IL1RAPL2: variants seen among roughly 807,000 people sequenced by gnomAD.
IL1RAPL2 encodes the protein X-linked interleukin-1 receptor accessory protein-like 2.
Under a neutral mutation model 44.1 loss-of-function variants are expected in IL1RAPL2, and 3 were observed. The observed-to-expected ratio is 0.07, with a 90% CI of 0.03 to 0.18. The LOEUF (loss-of-function observed/expected upper bound fraction) is 0.18, where lower values mean the gene tolerates loss of function less well. IL1RAPL2 is among the 10% of genes least tolerant of loss of function. The pLI, the probability that IL1RAPL2 is intolerant of heterozygous loss-of-function variation, is 1.00. For synonymous variants in IL1RAPL2, 181 were observed against 178.8 expected, an observed-to-expected ratio of 1.01 and a Z score of -0.10; for missense variants, 391 against 496.4, an observed-to-expected ratio of 0.79 and a Z score of 2.02.
chrX:105,219,521 A>G (rs1376535407), intron 3 of IL1RAPL2: 2 of 1,205,884 alleles, frequency 1.7e-6, no homozygotes, highest in Admixed American at 4.4e-5. Flanking sequence ...ACGTGGGGGA[A>G]CTGGGTCTCC....
chrX:105,659,424 G>A (rs1416421886), intron 6 of IL1RAPL2, among the ~76,000 whole-genome samples: 2 of 110,708 alleles, frequency 1.8e-5, no homozygotes, highest in African/African-American at 6.6e-5. Flanking sequence ...TTGGGAGGCC[G>A]AGGCGGGCGG....
At chrX:105,576,811 T>C (rs1399022893) in intron 6 of IL1RAPL2, among the ~76,000 whole-genome samples, 1 of 111,543 alleles carries the variant, frequency 9.0e-6, no homozygotes, top group South Asian at 3.7e-4. Context: ...CATTTATTCA[T>C]CAAAATTCTA....
intron 5 of IL1RAPL2, among the ~76,000 whole-genome samples, chrX:105,483,116 C>T (rs1194194534): frequency 9.2e-6 from 1 of 108,632 alleles, no homozygotes; most frequent in African/African-American, 3.4e-5. Context: ...CCACACACTG[C>T]AGCATTGTTT....
At chrX:104,893,546 C>T (rs914349034) in intron 2 of IL1RAPL2, among the ~76,000 whole-genome samples, 30 of 111,506 alleles carry the variant, frequency 2.7e-4, no homozygotes, top group Non-Finnish European at 4.9e-4. Flanking sequence ...ATGTAATGGT[C>T]TTCTTTGTCT....
intron 2 of IL1RAPL2, among the ~76,000 whole-genome samples, chrX:104,715,236 C>A (rs191262069): frequency 9.2e-6 from 1 of 108,857 alleles, no homozygotes. Context: ...GGAATTTATC[C>A]ATTTATACCC....
intron 2 of IL1RAPL2, among the ~76,000 whole-genome samples, chrX:104,789,666 A>C (rs1247705174): frequency 8.9e-6 from 1 of 112,286 alleles, no homozygotes; most frequent in Admixed American, 9.5e-5. Context: ...ATGCCTCATG[A>C]ATTGCCATGT....
chrX:105,549,405 CAG>C (rs1354155596), intron 6 of IL1RAPL2, among the ~76,000 whole-genome samples: 1 of 111,622 alleles, frequency 9.0e-6, no homozygotes, highest in African/African-American at 3.3e-5. Flanking sequence ...TTGCTGTGGG[CAG>C]AGAGATGTGC....
At chrX:104,716,232 A>T (rs1418981552) in intron 2 of IL1RAPL2, among the ~76,000 whole-genome samples, 1 of 111,947 alleles carries the variant, frequency 8.9e-6, no homozygotes. Flanking sequence ...AACGATATGC[A>T]GAAGATTAAA....
At chrX:104,861,119 A>G (rs975165288) in intron 2 of IL1RAPL2, among the ~76,000 whole-genome samples, 30 of 112,049 alleles carry the variant, frequency 2.7e-4, no homozygotes, top group Non-Finnish European at 5.3e-4. Flanking sequence ...TAGAATGCCA[A>G]TGCAGATCAG....
intron 2 of IL1RAPL2, among the ~76,000 whole-genome samples, chrX:104,835,230 C>T (rs773642116): frequency 1.6e-4 from 18 of 111,465 alleles, no homozygotes; most frequent in South Asian, 7.6e-4. Context: ...CTCTCAAAAA[C>T]CTGTGTAATA....
intron 5 of IL1RAPL2, among the ~76,000 whole-genome samples, chrX:105,305,692 C>G (rs749234867): frequency 8.9e-6 from 1 of 112,066 alleles, no homozygotes; most frequent in Non-Finnish European, 1.9e-5. Flanking sequence ...CTGTAAACTA[C>G]TCTTGCTGGA....
chrX:104,969,010 T>A (rs2030182414), intron 2 of IL1RAPL2, among the ~76,000 whole-genome samples: 1 of 108,153 alleles, frequency 9.2e-6, no homozygotes. Flanking sequence ...TGTGTGTGTG[T>A]GTGTGTGTGT....
intron 2 of IL1RAPL2, among the ~76,000 whole-genome samples, chrX:104,891,925 G>T (rs762292232): frequency 1.8e-5 from 2 of 111,643 alleles, no homozygotes; most frequent in Admixed American, 1.9e-4. Flanking sequence ...GATATTGGCT[G>T]TGGGTTTGTC....
At chrX:104,816,779 C>T (rs144961385) in intron 2 of IL1RAPL2, among the ~76,000 whole-genome samples, 4,042 of 111,344 alleles carry the variant, frequency 0.036, 72 homozygotes, top group Non-Finnish European at 0.058. Flanking sequence ...GCTTTATGAC[C>T]CTAAACAGTT....
At chrX:105,251,575 G>A (rs2034268866) in intron 4 of IL1RAPL2, among the ~76,000 whole-genome samples, 2 of 96,961 alleles carry the variant, frequency 2.1e-5, no homozygotes, top group Non-Finnish European at 3.9e-5. Flanking sequence ...ATTAGAAGTG[G>A]GGAGGTTTTT....
intron 2 of IL1RAPL2, among the ~76,000 whole-genome samples, chrX:104,904,901 T>G (rs1273110401): frequency 1.8e-5 from 2 of 111,231 alleles, no homozygotes; most frequent in Non-Finnish European, 3.8e-5. Context: ...ATGGTTGAAC[T>G]AGTTTACACT....
At chrX:105,666,386 G>A (rs1004976525) in intron 6 of IL1RAPL2, among the ~76,000 whole-genome samples, 3 of 111,104 alleles carry the variant, frequency 2.7e-5, no homozygotes, top group Non-Finnish European at 1.9e-5. Context: ...TGAGGGCGGG[G>A]GTAGGTTAGT....
intron 5 of IL1RAPL2, among the ~76,000 whole-genome samples, chrX:105,318,399 T>C (rs1048455558): frequency 2.7e-5 from 3 of 111,608 alleles, no homozygotes; most frequent in African/African-American, 9.8e-5. Context: ...ATCCAATAGG[T>C]GCTATAGAAA....
chrX:105,750,440 A>ATTT (rs2038587222), intron 9 of IL1RAPL2, among the ~76,000 whole-genome samples: 4 of 78,198 alleles, frequency 5.1e-5, no homozygotes, highest in South Asian at 6.6e-4. Context: ...TGCCTGGCCA[A>ATTT]TTTATTATTA....
Sources: allele counts gnomAD v4.1 joint callset (sites outside exome capture counted in the v4.1 genomes callset), GRCh38; gene constraint gnomAD v4.1.1; transcripts MANE v1.5; gene names NCBI Gene and HGNC (gene_info 2026-07-23, HGNC 2026-07-21).